Variants in PANK1 observed in about 807,000 individuals in gnomAD.
The protein encoded by PANK1 is pantothenate kinase 1.
PANK1 carries 18 observed loss-of-function variants against 40.1 expected under a neutral mutation model. The observed-to-expected ratio is 0.45, with a 90% CI of 0.31 to 0.67. The LOEUF (loss-of-function observed/expected upper bound fraction) is 0.67, where lower values mean the gene tolerates loss of function less well. Among genes scored for constraint, PANK1 ranks in the 30% least tolerant of loss-of-function variants. The pLI, the probability that PANK1 is intolerant of heterozygous loss-of-function variation, is 0.06. For synonymous variants in PANK1, 242 were observed against 237.7 expected (o/e 1.02, Z -0.17); for missense variants, 457 against 599.6 (o/e 0.76, Z 2.48).
intron 2 of PANK1, among the ~76,000 whole-genome samples, chr10:89,605,511 T>G (rs1844937328): frequency 6.6e-6 from 1 of 152,254 alleles, no homozygotes; most frequent in African/African-American, 2.4e-5. Context: ...TGCCCATCCA[T>G]AAGAGGTAAC....
chr10:89,601,176 G>A (rs1391109821), intron 2 of PANK1, among the ~76,000 whole-genome samples: 1 of 151,956 alleles, frequency 6.6e-6, no homozygotes, highest in Non-Finnish European at 1.5e-5. Context: ...CATTATAAAA[G>A]TTAAGAGGTA....
At chr10:89,631,392 T>C (rs1036757682) in intron 1 of PANK1, among the ~76,000 whole-genome samples, 4 of 152,188 alleles carry the variant, frequency 2.6e-5, no homozygotes, top group African/African-American at 4.8e-5. Flanking sequence ...GGTCTAAAGA[T>C]TGCCTGAAAT....
At chr10:89,601,357 G>C (rs1444795048) in intron 2 of PANK1, among the ~76,000 whole-genome samples, 1 of 146,534 alleles carries the variant, frequency 6.8e-6, no homozygotes, top group African/African-American at 2.5e-5. Context: ...GGTACATGCT[G>C]CTGGTCCTAG....
intron 1 of PANK1, chr10:89,626,237 A>G (rs1053905333): frequency 2.0e-5 from 3 of 152,076 alleles, no homozygotes; most frequent in Non-Finnish European, 2.9e-5. Context: ...AGAAGCTGTC[A>G]GTTCTGCCCA....
chr10:89,601,837 A>G (rs1012159946), intron 2 of PANK1, among the ~76,000 whole-genome samples: 1 of 152,210 alleles, frequency 6.6e-6, no homozygotes, highest in African/African-American at 2.4e-5. Flanking sequence ...CTATCTGGAG[A>G]CCTGAAAGAC....
chr10:89,605,900 A>G (rs182602941), intron 2 of PANK1, among the ~76,000 whole-genome samples: 1 of 152,290 alleles, frequency 6.6e-6, no homozygotes, highest in African/African-American at 2.4e-5. Flanking sequence ...TTATTCCTTG[A>G]TTTATGGGCT....
intron 1 of PANK1, among the ~76,000 whole-genome samples, chr10:89,620,471 A>G (rs758956279): frequency 1.6e-4 from 25 of 152,236 alleles, no homozygotes; most frequent in Non-Finnish European, 2.5e-4. Context: ...GGTCTCCTGC[A>G]GCGCCCTCAG....
intron 1 of PANK1, among the ~76,000 whole-genome samples, chr10:89,636,067 C>T (rs1200430189): frequency 3.3e-5 from 5 of 152,170 alleles, no homozygotes; most frequent in Admixed American, 3.3e-4. Context: ...GTGCCTGTGG[C>T]TCTCCTGGCT....
intron 6 of PANK1, among the ~76,000 whole-genome samples, chr10:89,586,313 AT>A (rs999336948): frequency 2.0e-5 from 3 of 151,850 alleles, no homozygotes; most frequent in Non-Finnish European, 4.4e-5. Flanking sequence ...CTTTTTCATT[AT>A]TTTTTTTAAA....
intron 1 of PANK1, among the ~76,000 whole-genome samples, chr10:89,628,356 A>T (rs890438375): frequency 6.6e-6 from 1 of 152,240 alleles, no homozygotes; most frequent in Non-Finnish European, 1.5e-5. Context: ...ACAAAAAAGG[A>T]CAAAATACTA....
intron 1 of PANK1, among the ~76,000 whole-genome samples, chr10:89,635,320 A>G (rs1841771906): frequency 6.6e-6 from 1 of 152,332 alleles, no homozygotes; most frequent in Non-Finnish European, 1.5e-5. Context: ...GGGGGGCTGC[A>G]TATGGCAAGG....
At chr10:89,597,306 A>C (rs1844639963) in intron 3 of PANK1, among the ~76,000 whole-genome samples, 1 of 152,242 alleles carries the variant, frequency 6.6e-6, no homozygotes. Context: ...AACCTTTGGC[A>C]AAACAACTCT....
chr10:89,641,320 C>G (rs1297702630), intron 1 of PANK1, among the ~76,000 whole-genome samples: 1 of 152,056 alleles, frequency 6.6e-6, no homozygotes, highest in Non-Finnish European at 1.5e-5. Flanking sequence ...GCTAAACATC[C>G]CAATATTTAG....
chr10:89,614,354 G>A (rs1312580730), intron 1 of PANK1, among the ~76,000 whole-genome samples: 2 of 152,166 alleles, frequency 1.3e-5, no homozygotes, highest in African/African-American at 2.4e-5. Flanking sequence ...ATAGGCATAA[G>A]AATGTTCACC....
intron 4 of PANK1, 59 bp from the exon 5 acceptor site, chr10:89,593,379 C>T (rs1844463137): frequency 7.6e-6 from 12 of 1,579,018 alleles, no homozygotes; most frequent in Non-Finnish European, 1.0e-5. Flanking sequence ...GCCCATCCTT[C>T]CACCAAAGTA....
intron 1 of PANK1, chr10:89,625,967 G>A (rs1845649151): frequency 6.6e-6 from 1 of 152,118 alleles, no homozygotes; most frequent in Non-Finnish European, 1.5e-5. Context: ...TCTTTCCCAA[G>A]GTCCTGAAAC....
At chr10:89,637,173 G>A (rs1305897849) in intron 1 of PANK1, among the ~76,000 whole-genome samples, 1 of 151,950 alleles carries the variant, frequency 6.6e-6, no homozygotes, top group Non-Finnish European at 1.5e-5. Context: ...GAGCACCGTT[G>A]AGCCACAGGT....
chr10:89,613,878 C>A, intron 1 of PANK1: 1 of 430,020 alleles, frequency 2.3e-6, no homozygotes, highest in Non-Finnish European at 4.7e-6. Flanking sequence ...GGATTCGGAA[C>A]ATCTGCTTCC....
At chr10:89,637,790 T>G (rs1465505334) in intron 1 of PANK1, among the ~76,000 whole-genome samples, 1 of 152,240 alleles carries the variant, frequency 6.6e-6, no homozygotes, top group East Asian at 1.9e-4. Context: ...AGTTTTACTT[T>G]ATAAACTTTC....
Sources: allele counts gnomAD v4.1 joint callset (sites outside exome capture counted in the v4.1 genomes callset), GRCh38; gene constraint gnomAD v4.1.1; transcripts MANE v1.5; gene names NCBI Gene and HGNC (gene_info 2026-07-23, HGNC 2026-07-21).